Variants in CHN2 observed in about 807,000 individuals in gnomAD.
The protein encoded by CHN2 is beta-chimaerin.
In CHN2, 35 loss-of-function variants were observed where a neutral mutation model predicts 56.3. That is an observed-to-expected ratio of 0.62 (90% CI 0.47 to 0.82). The LOEUF (loss-of-function observed/expected upper bound fraction) is 0.82, where lower values mean the gene tolerates loss of function less well. Ranked by LOEUF, CHN2 falls within the 40% of genes least tolerant of loss-of-function variation. The pLI is 0.00. For synonymous variants in CHN2, 210 were observed against 212.8 expected (o/e 0.99, Z 0.12); for missense variants, 491 against 580.5 (o/e 0.85, Z 1.58).
chr7:29,187,411 T>G (rs1757740322), intron 2 of CHN2, among the ~76,000 whole-genome samples: 1 of 151,966 alleles, frequency 6.6e-6, no homozygotes, highest in Non-Finnish European at 1.5e-5. Context: ...TGTTATATTA[T>G]ACATGCCACT....
intron 2 of CHN2, among the ~76,000 whole-genome samples, chr7:29,360,403 CCCAGCTTCTCG>C (rs1006067352): frequency 1.3e-5 from 2 of 152,234 alleles, no homozygotes; most frequent in Admixed American, 6.5e-5. Flanking sequence ...TGCCTGTAAT[CCCAGCTTCTCG>C]GGAGGCTGAG....
chr7:29,259,386 G>A (rs1465713274), intron 1 of CHN2, among the ~76,000 whole-genome samples: 5 of 151,694 alleles, frequency 3.3e-5, no homozygotes, highest in Admixed American at 1.3e-4. Flanking sequence ...GAAGAAGGAA[G>A]ATCTCTATGT....
rs201349251 is a variant in CHN2, at chr7:29,266,132, A to T, written c.49+71142A>T. 2.6e-4 allele frequency among the ~76,000 whole-genome samples: 40 copies of T among 152,348 alleles called. 1 individual carries two copies. The East Asian group carries it at 5.4e-3, about 21-fold the overall frequency. On this transcript the variant is annotated intron_variant, in intron 1 of 12. Coordinates refer to ENST00000222792, the MANE Select transcript of CHN2 (RefSeq NM_004067.4). The stretch of plus-strand genomic sequence containing the variant: ...AAAATGTGTGTGTGTTCCCCAAAAC[A>T]AACCACATACTTCCAGTATGAGGGC...
Position 29,508,436 on chromosome 7 carries a change from C to G in CHN2, c.1130-865C>G, listed in dbSNP as rs376489765. Among the ~76,000 whole-genome samples the G allele has an allele frequency of 1.8e-4, 26 of 146,354 alleles. No individual in the cohort carries two copies. In the East Asian group the frequency reaches 2.4e-3, roughly 13 times the overall value. Reference sequence around the variant, plus strand: ...TTTTATTTAAAAAAAAAAAAAAAACCTTTAAAGGTTGAAAAGTTTAGGCAT... The same window carrying G: ...TTTTATTTAAAAAAAAAAAAAAAACGTTTAAAGGTTGAAAAGTTTAGGCAT... On this transcript the variant is annotated intron_variant, in intron 11 of 12. Transcript: ENST00000222792.
intron 6 of CHN2, among the ~76,000 whole-genome samples, chr7:29,417,171 C>T (rs957818780): frequency 2.0e-5 from 3 of 152,120 alleles, no homozygotes; most frequent in Non-Finnish European, 2.9e-5. Flanking sequence ...TCTGTGACCC[C>T]GCAGGACTTG....
chr7:29,446,342 G>A (rs576018737), intron 6 of CHN2, among the ~76,000 whole-genome samples: 18 of 152,152 alleles, frequency 1.2e-4, no homozygotes, highest in Non-Finnish European at 2.4e-4. Flanking sequence ...CTCCTGCCAA[G>A]ATAGAGCAGT....
intron 2 of CHN2, among the ~76,000 whole-genome samples, chr7:29,363,074 C>T (rs993987876): frequency 7.9e-5 from 12 of 152,208 alleles, no homozygotes; most frequent in Admixed American, 3.9e-4. Context: ...CTCTGTGATT[C>T]TAGGAGATGG....
At chr7:29,162,909 C>G (rs182054621) in intron 2 of CHN2, among the ~76,000 whole-genome samples, 11 of 152,206 alleles carry the variant, frequency 7.2e-5, no homozygotes, top group Non-Finnish European at 1.6e-4. Context: ...TTAAACAATT[C>G]TGTACATGTG....
At chr7:29,206,586 T>A (rs542897439) in intron 1 of CHN2, among the ~76,000 whole-genome samples, 1 of 151,148 alleles carries the variant, frequency 6.6e-6, no homozygotes, top group Admixed American at 6.6e-5. Context: ...GGCCTAGAAA[T>A]TTTTTTTTTA....
intron 1 of CHN2, among the ~76,000 whole-genome samples, chr7:29,243,381 T>C (rs1367648370): frequency 2.0e-5 from 3 of 152,282 alleles, no homozygotes; most frequent in East Asian, 3.9e-4. Context: ...TCCTGAAAAA[T>C]TGTAGACCAG....
At chr7:29,456,153 C>A (rs1301096369) in intron 6 of CHN2, among the ~76,000 whole-genome samples, 1 of 152,202 alleles carries the variant, frequency 6.6e-6, no homozygotes. Context: ...ATCTCAATGC[C>A]ACTTCTTTGA....
At chr7:29,386,405 G>C (rs1161169928) in intron 3 of CHN2, among the ~76,000 whole-genome samples, 1 of 152,154 alleles carries the variant, frequency 6.6e-6, no homozygotes, top group African/African-American at 2.4e-5. Flanking sequence ...CCCTGTGTAG[G>C]AGGCTGCTAA....
intron 7 of CHN2, among the ~76,000 whole-genome samples, chr7:29,488,569 T>C (rs551249388): frequency 1.3e-5 from 2 of 152,178 alleles, no homozygotes; most frequent in Admixed American, 1.3e-4. Context: ...ACCCGAAGAT[T>C]CCTTTTCAAA....
intron 1 of CHN2, chr7:29,213,122 ATG>A: frequency 6.3e-7 from 1 of 1,583,230 alleles, no homozygotes; most frequent in Admixed American, 1.7e-5. Context: ...GAAGGCCTTA[ATG>A]TAATAAGCAA....
At chr7:29,250,034 T>C (rs1374028497) in intron 1 of CHN2, among the ~76,000 whole-genome samples, 1 of 152,242 alleles carries the variant, frequency 6.6e-6, no homozygotes, top group African/African-American at 2.4e-5. Context: ...GACTTAACCA[T>C]ATTTAGCACA....
intron 6 of CHN2, among the ~76,000 whole-genome samples, chr7:29,430,406 G>A (rs1782753745): frequency 6.6e-6 from 1 of 152,218 alleles, no homozygotes; most frequent in African/African-American, 2.4e-5. Flanking sequence ...GAATCAGGCA[G>A]TCCCTAGAAC....
intron 1 of CHN2, among the ~76,000 whole-genome samples, chr7:29,353,194 C>T (rs1477649454): frequency 6.6e-6 from 1 of 152,022 alleles, no homozygotes; most frequent in Non-Finnish European, 1.5e-5. Flanking sequence ...TACAGTGGGC[C>T]CCAGAGAGCA....
At chr7:29,448,784 G>T (rs1562615764) in intron 6 of CHN2, among the ~76,000 whole-genome samples, 1 of 150,854 alleles carries the variant, frequency 6.6e-6, no homozygotes, top group East Asian at 2.0e-4. Context: ...GTTGGGGAAG[G>T]CTTTGTGCCC....
chr7:29,331,797 C>T (rs956924746), intron 1 of CHN2, among the ~76,000 whole-genome samples: 4 of 152,078 alleles, frequency 2.6e-5, no homozygotes, highest in African/African-American at 9.7e-5. Flanking sequence ...TGTGGTGGCT[C>T]ACGCCTGTAA....
Sources: allele counts gnomAD v4.1 joint callset (sites outside exome capture counted in the v4.1 genomes callset), GRCh38; gene constraint gnomAD v4.1.1; transcripts MANE v1.5; gene names NCBI Gene and HGNC (gene_info 2026-07-23, HGNC 2026-07-21).